LRRC9: variants seen among roughly 807,000 people sequenced by gnomAD.
LRRC9 encodes leucine-rich repeat-containing protein 9.
LRRC9 carries 122 observed loss-of-function variants against 63.2 expected under a neutral mutation model. The observed-to-expected ratio is 1.93, with a 90% CI of 1.67 to 2.24. The LOEUF is 2.24. Among genes scored for constraint, LRRC9 ranks in the 30% most tolerant of loss-of-function variants. The pLI is 0.00. For synonymous variants in LRRC9, 366 were observed against 213.1 expected (o/e 1.72, Z -6.25); for missense variants, 1,071 against 627.7 (o/e 1.71, Z -7.55).
intron 12 of LRRC9, chr14:59,969,044 A>C (rs1395123335): frequency 6.6e-6 from 1 of 152,240 alleles, no homozygotes; most frequent in East Asian, 1.9e-4. Context: ...TAGATTAAAT[A>C]AGATATTTTA....
Position 59,958,452 on chromosome 14 carries a change from A to C in LRRC9, c.883-1366A>C, listed in dbSNP as rs1884017195. On this transcript the variant is annotated intron_variant, in intron 8 of 31. Transcript: ENST00000445360. This position sits in a 1 kb window ranked among gnomAD's most constrained non-coding sequence, Gnocchi z 4.0. ...GGGAAAAACCACCTACTAAAGCCTCAGTAATGGTGGACACCCCTGCCCCAA... is the reference window on the plus strand; with the variant it reads ...GGGAAAAACCACCTACTAAAGCCTCCGTAATGGTGGACACCCCTGCCCCAA... Among the ~76,000 whole-genome samples, 1 of 152,228 alleles carries C rather than the reference A, an allele frequency of 6.6e-6. No homozygotes were observed. The highest frequency in any genetic ancestry group is 1.5e-5 in the Non-Finnish European group (1 of 68,034).
At chr14:59,983,007 G>A (rs575820941) in intron 16 of LRRC9, among the ~76,000 whole-genome samples, 2 of 152,214 alleles carry the variant, frequency 1.3e-5, no homozygotes, top group African/African-American at 2.4e-5. Flanking sequence ...ACTTTATGCC[G>A]AGACAATTCT....
chr14:59,971,279 C>T (rs78578734), intron 12 of LRRC9, among the ~76,000 whole-genome samples: 1 of 151,942 alleles, frequency 6.6e-6, no homozygotes, highest in African/African-American at 2.4e-5. Flanking sequence ...TTCTCTGTTC[C>T]ATTGGTCTAT....
At chr14:60,018,599 G>GTT in intron 25 of LRRC9, 120 bp downstream of exon 25, 2 of 387,712 alleles carry the variant, frequency 5.2e-6, no homozygotes, top group South Asian at 4.1e-5. Context: ...ATTTTCTTTG[G>GTT]GTTTTTTTTT....
intron 26 of LRRC9, among the ~76,000 whole-genome samples, chr14:60,022,263 AT>A (rs1169078586): frequency 4.0e-5 from 6 of 151,726 alleles, no homozygotes; most frequent in African/African-American, 1.4e-4. Flanking sequence ...TGTGAAAAGA[AT>A]TTTTGCTTAA....
intron 10 of LRRC9, among the ~76,000 whole-genome samples, chr14:59,963,371 T>C (rs375129783): frequency 9.2e-5 from 14 of 152,162 alleles, no homozygotes; most frequent in Non-Finnish European, 1.8e-4. Context: ...TAGATTTGTA[T>C]TATTTACCGA....
exon 10 of LRRC9, chr14:59,961,020 G>A (rs1237856635): frequency 1.4e-6 from 1 of 690,704 alleles, no homozygotes; most frequent in African/African-American, 1.8e-5. Flanking sequence ...TTTCCATTTT[G>A]AAGAAGGCAC....
intron 16 of LRRC9, among the ~76,000 whole-genome samples, chr14:59,982,292 CT>C (rs1461462994): frequency 6.6e-6 from 1 of 152,070 alleles, no homozygotes; most frequent in East Asian, 1.9e-4. Context: ...TTTTTAAAAG[CT>C]TTTTTAAAAA....
rs1244291954 is a variant in LRRC9 at position 60,040,121 on chromosome 14, C to A, written c.3990+8058C>A. Among the ~76,000 whole-genome samples, 6 of 151,928 alleles carry A rather than the reference C, an allele frequency of 3.9e-5. 1 individual carries two copies. The highest frequency in any genetic ancestry group is 1.5e-4 in the African/African-American group (6 of 41,204). On this transcript the variant is annotated intron_variant, in intron 29 of 31. Transcript: ENST00000445360. ...AGTTCTAGTTTGATTGCACTGTGGT[C>A]TGAGAGACAGTTATAATTTCTGTTC...
exon 3 of LRRC9, chr14:59,928,474 G>A: frequency 2.9e-6 from 2 of 679,992 alleles, no homozygotes; most frequent in Non-Finnish European, 2.7e-6. Context: ...GGATTGCTGA[G>A]TGCTGCATAG....
At chr14:59,994,653 A>C (rs1218493145) in intron 17 of LRRC9, among the ~76,000 whole-genome samples, 2 of 152,212 alleles carry the variant, frequency 1.3e-5, no homozygotes, top group African/African-American at 2.4e-5. Flanking sequence ...AAATGTGGCA[A>C]ATATACACCA....
chr14:60,019,319 T>G, intron 26 of LRRC9, 59 bp downstream of exon 26: 1 of 628,342 alleles, frequency 1.6e-6, no homozygotes. Flanking sequence ...TAAAAGCAGT[T>G]AATCACATTA....
intron 19 of LRRC9, among the ~76,000 whole-genome samples, chr14:60,000,146 C>T (rs1435680297): frequency 6.6e-6 from 1 of 152,236 alleles, no homozygotes; most frequent in South Asian, 2.1e-4. Flanking sequence ...TTCACAGCAA[C>T]ATGGATGCAG....
chr14:59,959,135 C>T (rs1013680932), intron 8 of LRRC9, among the ~76,000 whole-genome samples: 2 of 152,210 alleles, frequency 1.3e-5, no homozygotes, highest in Non-Finnish European at 2.9e-5. Flanking sequence ...GAGGTTCTTG[C>T]TGTGGGCCCA....
At chr14:59,998,562 G>A (rs1889036186) in intron 18 of LRRC9, among the ~76,000 whole-genome samples, 1 of 151,992 alleles carries the variant, frequency 6.6e-6, no homozygotes, top group Non-Finnish European at 1.5e-5. Flanking sequence ...TGTATATCAG[G>A]CTGTGTTCAG....
Position 60,030,405 on chromosome 14 carries a change from T to C in LRRC9, c.3922-1590T>C, listed in dbSNP as rs979158600. ...TAAAGGAAGAATCACAGAAACACAA[T>C]TGAAAGATTCATTATTTAATTCACC... On this transcript the variant is annotated intron_variant, in intron 28 of 31. Transcript: ENST00000445360. 4 of 152,064 alleles carry C rather than the reference T, an allele frequency of 2.6e-5. No homozygotes were observed. In the East Asian group the frequency reaches 7.7e-4, roughly 29 times the overall value. The allele number at this position is 152,064 out of a possible 1,614,324, so 9.4% of individuals were successfully genotyped here. A position where few individuals can be genotyped will look rare whatever the true frequency, so the allele number is the denominator to read the frequency against.
At chr14:59,960,242 C>T (rs1386645143) in intron 9 of LRRC9, among the ~76,000 whole-genome samples, 1 of 152,190 alleles carries the variant, frequency 6.6e-6, no homozygotes, top group Non-Finnish European at 1.5e-5. Flanking sequence ...GAACAGTAAG[C>T]TTCCCCCCAG....
chr14:60,012,509 A>G (rs1298159325), intron 23 of LRRC9, among the ~76,000 whole-genome samples: 1 of 152,210 alleles, frequency 6.6e-6, no homozygotes, highest in Non-Finnish European at 1.5e-5. Flanking sequence ...TGAAGTTTTA[A>G]CAGATTAGAA....
intron 25 of LRRC9, 43 bp downstream of exon 25, chr14:60,018,522 G>A (rs219392): frequency 0.79 from 522,303 of 657,608 alleles, 213,314 homozygotes; most frequent in Non-Finnish European, 0.86. Flanking sequence ...GGTTTCCAAT[G>A]CAAATTATTC....
Sources: allele counts gnomAD v4.1 joint callset (sites outside exome capture counted in the v4.1 genomes callset), GRCh38; gene constraint gnomAD v4.1.1; non-coding constraint Gnocchi (gnomAD v3.1); transcripts MANE v1.5; gene names NCBI Gene and HGNC (gene_info 2026-07-23, HGNC 2026-07-21).